Variants in DPH6 observed in about 807,000 individuals in gnomAD.
The protein encoded by DPH6 is diphthamine biosynthesis 6, also known as diphthine--ammonia ligase.
DPH6 carries 33 observed loss-of-function variants against 38.2 expected under a neutral mutation model. The ratio of observed to expected loss-of-function variants is 0.86; its 90% CI spans 0.65 to 1.15. The LOEUF (loss-of-function observed/expected upper bound fraction) is 1.15. Among genes scored for constraint, DPH6 ranks in the 50% most tolerant of loss-of-function variants. The pLI, the probability that DPH6 is intolerant of heterozygous loss-of-function variation, is 0.00. For missense variants in DPH6, 325 were observed against 320.0 expected, an observed-to-expected ratio of 1.02 and a Z score of -0.12; for synonymous variants, 108 against 103.0, an observed-to-expected ratio of 1.05 and a Z score of -0.30.
chr15:35,517,165 G>C (rs11856690), intron 3 of DPH6, among the ~76,000 whole-genome samples: 1 of 151,604 alleles, frequency 6.6e-6, no homozygotes, highest in East Asian at 1.9e-4. Context: ...ATTTAAAGAA[G>C]AATTTTTTTT....
chr15:35,303,273 T>C (rs191802622), intron 3 of DPH6, among the ~76,000 whole-genome samples: 1 of 152,128 alleles, frequency 6.6e-6, no homozygotes, highest in African/African-American at 2.4e-5. Context: ...AAAGGTGCGA[T>C]GTTATCTATA....
intron 3 of DPH6, among the ~76,000 whole-genome samples, chr15:35,350,114 ACGT>A (rs1395382099): frequency 6.6e-6 from 1 of 152,144 alleles, no homozygotes; most frequent in African/African-American, 2.4e-5. Context: ...ATTACAGATT[ACGT>A]CTCCTTACTC....
intron 5 of DPH6, among the ~76,000 whole-genome samples, chr15:35,412,724 T>C (rs1220912092): frequency 6.6e-6 from 1 of 151,582 alleles, no homozygotes; most frequent in Non-Finnish European, 1.5e-5. Flanking sequence ...AAAAGCCAAT[T>C]TGAAAACGCT....
intron 3 of DPH6, among the ~76,000 whole-genome samples, chr15:35,304,387 G>C (rs2052074090): frequency 6.6e-6 from 1 of 152,068 alleles, no homozygotes; most frequent in African/African-American, 2.4e-5. Context: ...CACACCCTCT[G>C]ATGGAACATC....
At chr15:35,226,637 C>A (rs1331771835) in intron 3 of DPH6, among the ~76,000 whole-genome samples, 1 of 152,096 alleles carries the variant, frequency 6.6e-6, no homozygotes, top group Admixed American at 6.6e-5. Context: ...AGGTGAAAGA[C>A]CTCTGCAATG....
At chr15:35,496,567 A>AAAAAAAAAATATATATATATATATAT in intron 3 of DPH6, among the ~76,000 whole-genome samples, 1 of 31,012 alleles carries the variant, frequency 3.2e-5, no homozygotes. Flanking sequence ...AAAAAAAAAA[A>AAAAAAAAAATATATATATATATATAT]ATATATATAT....
intron 3 of DPH6, among the ~76,000 whole-genome samples, chr15:35,293,001 T>C (rs2051990074): frequency 6.6e-6 from 1 of 152,190 alleles, no homozygotes; most frequent in Admixed American, 6.5e-5. Flanking sequence ...TATGCTGCCA[T>C]TTGGGTACAG....
chr15:35,538,067 T>C lies in DPH6; in HGVS notation c.312+207A>G, dbSNP rs373408113. ...TTTGATAATCCTGGATGCCAAACTA[T>C]ACAAAACGTCTTATTTTTAAATATC... On this transcript the variant is annotated intron_variant, in intron 3 of 8. Transcript: ENST00000256538. 8.7e-5 allele frequency: 32 copies of C among 369,232 alleles called. No individual in the cohort carries two copies. In the South Asian group the frequency reaches 2.7e-3, roughly 31 times the overall value. 22.9% of individuals were successfully genotyped at this position (369,232 alleles called of 1,614,324 possible).
chr15:35,274,515 C>T (rs748981961), intron 3 of DPH6, among the ~76,000 whole-genome samples: 10 of 151,922 alleles, frequency 6.6e-5, no homozygotes, highest in Non-Finnish European at 1.3e-4. Flanking sequence ...GGGCTAATAT[C>T]CAGAAACTAC....
chr15:35,218,208 A>C (rs191554216), exon 4 of DPH6: 1 of 152,332 alleles, frequency 6.6e-6, no homozygotes, highest in East Asian at 1.9e-4. Flanking sequence ...CCTCAGACAC[A>C]ATCAACCACA....
At chr15:35,199,158 C>T in the DPH6 span, among the ~76,000 whole-genome samples, 1 of 152,124 alleles carries the variant, frequency 6.6e-6, no homozygotes. Context: ...GGTGATCCAC[C>T]CACTTCAGCC....
At chr15:35,175,061 C>G in the DPH6 span, among the ~76,000 whole-genome samples, 1 of 152,248 alleles carries the variant, frequency 6.6e-6, no homozygotes, top group South Asian at 2.1e-4. Context: ...TTGTAGAGAT[C>G]ACAAGTCCAC....
the DPH6 span, among the ~76,000 whole-genome samples, chr15:35,146,362 A>G: frequency 6.6e-6 from 1 of 152,156 alleles, no homozygotes; most frequent in African/African-American, 2.4e-5. Context: ...TCTTTGCTGA[A>G]TGTTATGGGT....
At chr15:35,340,995 C>T (rs1345857933) in intron 3 of DPH6, among the ~76,000 whole-genome samples, 4 of 152,122 alleles carry the variant, frequency 2.6e-5, no homozygotes, top group South Asian at 2.1e-4. Flanking sequence ...TCCATTCTCC[C>T]TGTCTTTTAT....
intron 3 of DPH6, among the ~76,000 whole-genome samples, chr15:35,458,744 C>CT (rs2054027257): frequency 6.6e-6 from 1 of 152,186 alleles, no homozygotes; most frequent in African/African-American, 2.4e-5. Context: ...AATATAGACT[C>CT]TGGGACCCTA....
chr15:35,530,750 C>G (rs2055074445), intron 3 of DPH6, among the ~76,000 whole-genome samples: 1 of 152,184 alleles, frequency 6.6e-6, no homozygotes, highest in South Asian at 2.1e-4. Flanking sequence ...AAATATGGTA[C>G]AACATTTTAT....
the DPH6 span, among the ~76,000 whole-genome samples, chr15:35,162,360 C>G: frequency 6.6e-6 from 1 of 151,944 alleles, no homozygotes; most frequent in African/African-American, 2.4e-5. Flanking sequence ...TGTTCTCCAT[C>G]ATCTGGCCAC....
In DPH6 at chr15:35,481,700, TAGA is replaced by T. The variant is rs1304961309; in HGVS notation, c.313-26883_313-26881del. 5.3e-5 allele frequency among the ~76,000 whole-genome samples: 8 copies of T among 152,118 alleles called. No individual in the cohort carries two copies. The South Asian group carries it at 1.2e-3, about 24-fold the overall frequency. ...CCTGGGATTTGCTTCGAAAGAATAA[TAGA>T]AGGAGGGAAGTAAATGGATATATAA... On this transcript the variant is annotated intron_variant, in intron 3 of 8. Coordinates refer to ENST00000256538, the MANE Select transcript of DPH6 (RefSeq NM_080650.4).
chr15:35,312,010 GA>G (rs10573455), intron 3 of DPH6, among the ~76,000 whole-genome samples: 29,692 of 102,310 alleles, frequency 0.29, 2,823 homozygotes, highest in Middle Eastern at 0.38. Flanking sequence ...TTAAGAAAAT[GA>G]AAAAAAAAAA....
Sources: allele counts gnomAD v4.1 joint callset (sites outside exome capture counted in the v4.1 genomes callset), GRCh38; gene constraint gnomAD v4.1.1; transcripts MANE v1.5; gene names NCBI Gene and HGNC (gene_info 2026-07-23, HGNC 2026-07-21).